RAPGEF2: variants seen among roughly 807,000 people sequenced by gnomAD.
RAPGEF2 encodes the protein Rap guanine nucleotide exchange factor 2, also known as PDZ domain containing guanine nucleotide exchange factor (GEF) 1.
RAPGEF2 carries 54 observed loss-of-function variants against 186.7 expected under a neutral mutation model. The observed-to-expected ratio is 0.29, with a 90% CI of 0.23 to 0.36. The LOEUF is 0.36. RAPGEF2 is among the 10% of genes least tolerant of loss of function. The pLI is 1.00. For synonymous variants in RAPGEF2, 712 were observed against 705.9 expected (o/e 1.01, Z -0.14); for missense variants, 1,532 against 2,045.0 (o/e 0.75, Z 4.84).
rs1318435239 is a variant in RAPGEF2, at chr4:159,330,374, A to G, written c.1343A>G (p.His448Arg). Residue 448 changes from histidine (H) to arginine (R), a missense_variant, in exon 13 of 30, where the codon CAT becomes CGT. By Grantham distance (29) the His-to-Arg change is conservative. Coordinates refer to ENST00000691494, the MANE Select transcript of RAPGEF2 (RefSeq NM_001394067.2). The part of the protein sequence containing the change: ...ERLTMHLVEE[H>R]SVVDPTFIED... ...TTAACAATGCATTTGGTGGAAGAGC[A>G]TTCAGTAGTAGATCCAACATTCATA... 6.3e-6 allele frequency: 10 copies of G among 1,598,692 alleles called. No individual in the cohort carries two copies. The highest frequency in any genetic ancestry group is 8.5e-6 in the Non-Finnish European group (10 of 1,176,576).
At chr4:159,122,111 A>G (rs1739761104) in intron 1 of RAPGEF2, among the ~76,000 whole-genome samples, 2 of 151,748 alleles carry the variant, frequency 1.3e-5, no homozygotes, top group South Asian at 2.1e-4. Flanking sequence ...TAGGTATGTC[A>G]TGAATGCACA....
At chr4:159,209,287 T>C (rs187759722) in intron 3 of RAPGEF2, among the ~76,000 whole-genome samples, 19 of 140,606 alleles carry the variant, frequency 1.4e-4, no homozygotes, top group Admixed American at 1.3e-3. Context: ...AAAAAAAAAA[T>C]AGAAATGACT....
At position 159,331,419 on chromosome 4, in the gene RAPGEF2, T is replaced by C. The variant is rs773253676; in HGVS notation, c.1468-12T>C. ...TAAAAAGGAAACTTATTGAAAATAA[T>C]TGACTTTTCAGGTTACACGGGTAGT... On this transcript the variant is annotated splice_polypyrimidine_tract_variant and intron_variant, in intron 13 of 29. Transcript: ENST00000691494. 19 of 1,523,140 alleles carry C rather than the reference T, an allele frequency of 1.2e-5. No individual in the cohort carries two copies. The Admixed American group carries it at 3.4e-4, about 27-fold the overall frequency. 94.4% of individuals were successfully genotyped at this position (1,523,140 alleles called of 1,614,324 possible).
chr4:159,329,654 T>G (rs1766397788), intron 11 of RAPGEF2: 1 of 359,086 alleles, frequency 2.8e-6, no homozygotes, highest in South Asian at 8.9e-5. Flanking sequence ...ATAAGTATTC[T>G]AAAAATGAAA....
chr4:159,303,496 A>G (rs1046486507), intron 7 of RAPGEF2, among the ~76,000 whole-genome samples: 1 of 152,132 alleles, frequency 6.6e-6, no homozygotes, highest in Non-Finnish European at 1.5e-5. Context: ...GACAAATATA[A>G]TGTCTTTTTT....
At chr4:159,336,137 T>C (rs1767385763) in intron 17 of RAPGEF2, among the ~76,000 whole-genome samples, 1 of 150,062 alleles carries the variant, frequency 6.7e-6, no homozygotes, top group Non-Finnish European at 1.5e-5. Context: ...TTTGAAATAA[T>C]TCACACTGAA....
At position 159,358,162 on chromosome 4, in the gene RAPGEF2, G is replaced by T; in HGVS notation, c.*23G>T. 6.2e-7 allele frequency: 1 copy of T among 1,609,126 alleles called. No individual in the cohort carries two copies. The highest frequency in any genetic ancestry group is 8.5e-7 in the Non-Finnish European group (1 of 1,177,236). ...TGAGGCACAGACTTTTCTGGAAGCA[G>T]AGCGAGCCACCTGAAAGGAGAGCAC... On this transcript the variant is annotated 3_prime_UTR_variant, in exon 30 of 30. Coordinates refer to ENST00000691494, the MANE Select transcript of RAPGEF2 (RefSeq NM_001394067.2).
At chr4:159,166,794 T>C (rs1046373601) in intron 1 of RAPGEF2, among the ~76,000 whole-genome samples, 1 of 152,172 alleles carries the variant, frequency 6.6e-6, no homozygotes, top group Non-Finnish European at 1.5e-5. Context: ...GAGTAAATGT[T>C]GATGAGATTA....
intron 7 of RAPGEF2, among the ~76,000 whole-genome samples, chr4:159,289,301 C>T (rs1490421865): frequency 6.6e-6 from 1 of 152,098 alleles, no homozygotes; most frequent in Non-Finnish European, 1.5e-5. Flanking sequence ...TGACAGGCTT[C>T]TTGTTGAGAT....
chr4:159,274,143 C>T (rs929776620), intron 7 of RAPGEF2, among the ~76,000 whole-genome samples: 2 of 152,158 alleles, frequency 1.3e-5, no homozygotes, highest in African/African-American at 4.8e-5. Flanking sequence ...TTAATTTATT[C>T]AGGTAATCTA....
At chr4:159,270,120 G>A (rs912106321) in intron 7 of RAPGEF2, among the ~76,000 whole-genome samples, 1 of 152,166 alleles carries the variant, frequency 6.6e-6, no homozygotes, top group African/African-American at 2.4e-5. Context: ...TGACACTTTG[G>A]TTAGAACTTG....
At chr4:159,263,191 A>G (rs890669898) in intron 7 of RAPGEF2, among the ~76,000 whole-genome samples, 12 of 152,180 alleles carry the variant, frequency 7.9e-5, no homozygotes, top group Admixed American at 3.3e-4. Flanking sequence ...TGACGTGAAA[A>G]TGTAAGATTG....
chr4:159,349,193 A>G (rs543203809), intron 25 of RAPGEF2, among the ~76,000 whole-genome samples: 1 of 152,184 alleles, frequency 6.6e-6, no homozygotes, highest in Non-Finnish European at 1.5e-5. Context: ...AGGTTTTTTT[A>G]AAAAAGATTG....
intron 2 of RAPGEF2, among the ~76,000 whole-genome samples, chr4:159,191,489 C>T (rs1004005922): frequency 1.2e-4 from 18 of 152,124 alleles, no homozygotes; most frequent in African/African-American, 3.6e-4. Flanking sequence ...GCCTGTAATC[C>T]CAGCACTGTG....
chr4:159,251,260 C>A (rs1755338542), intron 7 of RAPGEF2, among the ~76,000 whole-genome samples: 1 of 152,268 alleles, frequency 6.6e-6, no homozygotes. Flanking sequence ...CCGACGGGCG[C>A]CGTCCCTTGC....
chr4:159,311,830 T>C (rs1196238458), intron 8 of RAPGEF2, among the ~76,000 whole-genome samples: 2 of 152,204 alleles, frequency 1.3e-5, no homozygotes, highest in East Asian at 3.8e-4. Flanking sequence ...TGAAAAGTTG[T>C]TTATCACGTT....
chr4:159,295,694 C>G (rs889547464), intron 7 of RAPGEF2, among the ~76,000 whole-genome samples: 23 of 147,762 alleles, frequency 1.6e-4, no homozygotes, highest in African/African-American at 5.5e-4. Context: ...AATTAGTTGA[C>G]TAGCATAAGA....
chr4:159,122,201 C>T (rs976726185), intron 1 of RAPGEF2, among the ~76,000 whole-genome samples: 1 of 151,888 alleles, frequency 6.6e-6, no homozygotes, highest in African/African-American at 2.4e-5. Context: ...TAAAATTTGG[C>T]TGGGCGTGGT....
At chr4:159,114,865 T>G in intron 1 of RAPGEF2, among the ~76,000 whole-genome samples, 1 of 152,080 alleles carries the variant, frequency 6.6e-6, no homozygotes, top group Non-Finnish European at 1.5e-5. Flanking sequence ...GGGAAGGGAA[T>G]GAATGGCAAG....
Sources: gnomAD v4.1 joint callset for allele counts (sites outside exome capture counted in the v4.1 genomes callset) on GRCh38, gnomAD v4.1.1 for gene constraint, MANE v1.5 for transcripts, NCBI Gene and HGNC (gene_info 2026-07-23, HGNC 2026-07-21) for gene names.